The following UNC79 variants were observed in gnomAD, a reference collection of about 807,000 sequenced individuals.
UNC79 encodes the protein protein unc-79 homolog.
In UNC79, 37 loss-of-function variants were observed where a neutral mutation model predicts 283.1. That is an observed-to-expected ratio of 0.13 (90% CI 0.10 to 0.17). The LOEUF (loss-of-function observed/expected upper bound fraction) is 0.17. UNC79 is among the 10% of genes least tolerant of loss of function. The pLI is 1.00. For missense variants in UNC79, 2,272 were observed against 3,211.1 expected, an observed-to-expected ratio of 0.71 and a Z score of 7.07; for synonymous variants, 1,107 against 1,200.2, an observed-to-expected ratio of 0.92 and a Z score of 1.61.
intron 1 of UNC79, among the ~76,000 whole-genome samples, chr14:93,359,296 C>G (rs1267052031): frequency 2.6e-5 from 4 of 152,186 alleles, no homozygotes; most frequent in Admixed American, 6.5e-5. Flanking sequence ...GGATTAGTCA[C>G]TTTAGACCTA....
chr14:93,579,963 G>A lies in UNC79; in HGVS notation c.2434-186G>A, dbSNP rs141688395. Among the ~76,000 whole-genome samples, 161 of 152,126 alleles carry A rather than the reference G, an allele frequency of 1.1e-3. 1 individual carries two copies. Among genetic ancestry groups the A allele is most frequent in the African/African-American group, 3.5e-3 (144 of 41,492 alleles). On this transcript the variant is annotated intron_variant, in intron 18 of 48. Coordinates refer to ENST00000555664, the Ensembl canonical transcript of UNC79. ...TTATATTCCTTCTAGAAAAACCCAC[G>A]GACAGCAATGTATATTCATGGTCTT...
Position 93,474,661 on chromosome 14 carries a change from T to C in UNC79, c.448+268T>C, listed in dbSNP as rs1472292941. The stretch of plus-strand genomic sequence containing the variant: ...GGAAGATGTATAACAAGAAATTTTC[T>C]CTTCTTTCCTGATCAGTTATCATGA... On this transcript the variant is annotated intron_variant, in intron 3 of 48. Coordinates refer to ENST00000555664, the Ensembl canonical transcript of UNC79. The surrounding 1 kb of genome is among the most constrained non-coding windows in gnomAD (Gnocchi z 4.1). 1.3e-5 allele frequency among the ~76,000 whole-genome samples: 2 copies of C among 152,174 alleles called. No individual in the cohort carries two copies. The highest frequency in any genetic ancestry group is 2.9e-5 in the Non-Finnish European group (2 of 68,028).
At chr14:93,614,807 T>C (rs983584585) in intron 27 of UNC79, among the ~76,000 whole-genome samples, 1 of 152,152 alleles carries the variant, frequency 6.6e-6, no homozygotes, top group African/African-American at 2.4e-5. Context: ...ACTTTACTCA[T>C]CCATTCCCCT....
At chr14:93,391,639 G>C (rs911842211) in intron 1 of UNC79, among the ~76,000 whole-genome samples, 1 of 152,098 alleles carries the variant, frequency 6.6e-6, no homozygotes, top group Non-Finnish European at 1.5e-5. Context: ...GTGTTGCCCA[G>C]GCTGGTCTTC....
At chr14:93,337,739 T>C (rs1393771743) in intron 1 of UNC79, among the ~76,000 whole-genome samples, 1 of 152,118 alleles carries the variant, frequency 6.6e-6, no homozygotes, top group East Asian at 1.9e-4. Flanking sequence ...AGAGAAGAGC[T>C]GCAGCCCTTC....
intron 1 of UNC79, among the ~76,000 whole-genome samples, chr14:93,375,190 C>T (rs11845102): frequency 6.6e-6 from 1 of 152,078 alleles, no homozygotes; most frequent in Non-Finnish European, 1.5e-5. Flanking sequence ...AAATACCAGC[C>T]TGGGCAACAT....
chr14:93,597,331 G>T (rs749450356), intron 23 of UNC79, 28 bp from the exon 24 acceptor site: 3 of 1,609,146 alleles, frequency 1.9e-6, no homozygotes, highest in African/African-American at 1.3e-5. Context: ...GTGTATTTAC[G>T]TATTTTGCCT....
At chr14:93,672,329 C>T (rs182449628) in intron 40 of UNC79, among the ~76,000 whole-genome samples, 2 of 152,130 alleles carry the variant, frequency 1.3e-5, no homozygotes, top group African/African-American at 4.8e-5. Context: ...GGCATGTATA[C>T]ATAATGAACT....
intron 1 of UNC79, among the ~76,000 whole-genome samples, chr14:93,374,814 T>C (rs1270330975): frequency 6.6e-6 from 1 of 152,180 alleles, no homozygotes; most frequent in Non-Finnish European, 1.5e-5. Flanking sequence ...TCCAAAGTGA[T>C]GGGATTACGG....
intron 35 of UNC79, 76 bp downstream of exon 38, chr14:93,646,722 G>A: frequency 1.9e-6 from 3 of 1,539,768 alleles, no homozygotes; most frequent in Non-Finnish European, 2.7e-6. Context: ...TAAAACACCA[G>A]TGTGGGGCTG....
At chr14:93,691,317 A>T (rs746835590) in intron 45 of UNC79, 2 of 194,842 alleles carry the variant, frequency 1.0e-5, no homozygotes, top group Non-Finnish European at 2.2e-5. Flanking sequence ...TGCTATGATT[A>T]TGAACTTCTG....
In UNC79 at chr14:93,382,989, A is replaced by G. The variant is rs1307627295; in HGVS notation, c.-351+49466A>G. On this transcript the variant is annotated intron_variant, in intron 1 of 49. Transcript: ENST00000256339. ...TTTAAGATAGAATATGATAAATATT[A>G]TAAAAGAATGGGAATAAAATGGCTT... 2.0e-5 allele frequency among the ~76,000 whole-genome samples: 3 copies of G among 152,254 alleles called. No homozygotes were observed. The South Asian group carries it at 6.2e-4, about 31-fold the overall frequency.
chr14:93,657,135 C>T (rs957190536), intron 38 of UNC79, among the ~76,000 whole-genome samples: 1 of 152,070 alleles, frequency 6.6e-6, no homozygotes, highest in Non-Finnish European at 1.5e-5. Flanking sequence ...CTATGATCCT[C>T]GTTTGCCCAC....
At chr14:93,515,634 A>G (rs942178572) in intron 7 of UNC79, among the ~76,000 whole-genome samples, 1 of 152,020 alleles carries the variant, frequency 6.6e-6, no homozygotes, top group African/African-American at 2.4e-5. Context: ...CTAATTTCAT[A>G]TATTTATCTT....
intron 1 of UNC79, among the ~76,000 whole-genome samples, chr14:93,406,700 T>C (rs1187279417): frequency 6.6e-6 from 1 of 152,196 alleles, no homozygotes; most frequent in African/African-American, 2.4e-5. Flanking sequence ...GTACAAACTT[T>C]TGGGTTCTGC....
chr14:93,477,799 T>C (rs1461039480), intron 4 of UNC79, 71 bp downstream of exon 4: 8 of 1,443,526 alleles, frequency 5.5e-6, no homozygotes, highest in South Asian at 5.5e-5. Context: ...TTTGCTGTTA[T>C]AGGCTCTAGT....
intron 35 of UNC79, among the ~76,000 whole-genome samples, chr14:93,653,202 C>G (rs1482994353): frequency 6.6e-6 from 1 of 152,052 alleles, no homozygotes; most frequent in South Asian, 2.1e-4. Context: ...TGCAGAGGTG[C>G]ACATGAAGGG....
intron 14 of UNC79, among the ~76,000 whole-genome samples, chr14:93,549,845 C>G (rs978961929): frequency 1.3e-5 from 2 of 152,224 alleles, no homozygotes; most frequent in African/African-American, 2.4e-5. Flanking sequence ...TTTATACATG[C>G]AGCTAGGTTA....
chr14:93,369,364 T>C (rs990408463), intron 1 of UNC79, among the ~76,000 whole-genome samples: 4 of 152,230 alleles, frequency 2.6e-5, no homozygotes, highest in Non-Finnish European at 4.4e-5. Flanking sequence ...CAGTTCTGCA[T>C]GTGAGGAACT....
Sources: allele counts gnomAD v4.1 joint callset (sites outside exome capture counted in the v4.1 genomes callset), GRCh38; gene constraint gnomAD v4.1.1; non-coding constraint Gnocchi (gnomAD v3.1); transcripts MANE v1.5; gene names NCBI Gene and HGNC (gene_info 2026-07-23, HGNC 2026-07-21).